The following AGPAT3 variants were observed in gnomAD, a reference collection of about 807,000 sequenced individuals.
The protein encoded by AGPAT3 is 1-acylglycerol-3-phosphate O-acyltransferase 3.
AGPAT3 carries 5 observed loss-of-function variants against 47.3 expected under a neutral mutation model. The observed-to-expected ratio is 0.11, with a 90% confidence interval of 0.06 to 0.22. The LOEUF (loss-of-function observed/expected upper bound fraction) is 0.22, where lower values mean the gene tolerates loss of function less well. AGPAT3 is among the 10% of genes least tolerant of loss of function. The pLI is 1.00. For missense variants in AGPAT3, 315 were observed against 493.0 expected (o/e 0.64, Z 3.42); for synonymous variants, 212 against 208.3 (o/e 1.02, Z -0.15).
At chr21:43,884,191 A>G (rs2096855) in intron 1 of AGPAT3, among the ~76,000 whole-genome samples, 152,045 of 152,046 alleles carry the variant, frequency 1, 76,022 homozygotes, top group Middle Eastern at 1. Flanking sequence ...GCCTGTCGAA[A>G]GTGTAGCTCC....
At chr21:43,876,380 T>G (rs2085733610) in intron 1 of AGPAT3, among the ~76,000 whole-genome samples, 1 of 152,264 alleles carries the variant, frequency 6.6e-6, no homozygotes, top group Non-Finnish European at 1.5e-5. Context: ...TTTGTGATTT[T>G]GGATTGTGGG....
At chr21:43,889,504 A>T (rs1237426338) in intron 1 of AGPAT3, among the ~76,000 whole-genome samples, 2 of 152,198 alleles carry the variant, frequency 1.3e-5, no homozygotes, top group Non-Finnish European at 2.9e-5. Context: ...TTTTTCATAA[A>T]TTACTGGATT....
chr21:43,876,145 GT>G (rs2085728459), intron 1 of AGPAT3, among the ~76,000 whole-genome samples: 1 of 151,620 alleles, frequency 6.6e-6, no homozygotes. Context: ...AGTTCTCTTT[GT>G]TTTTTTCCAA....
chr21:43,909,071 AT>A (rs1435962713), intron 2 of AGPAT3, among the ~76,000 whole-genome samples: 3 of 151,718 alleles, frequency 2.0e-5, no homozygotes, highest in East Asian at 1.9e-4. Flanking sequence ...TTTACTTACT[AT>A]TTTTTTTCTT....
chr21:43,905,479 C>T (rs965263781), intron 2 of AGPAT3, among the ~76,000 whole-genome samples: 5 of 152,216 alleles, frequency 3.3e-5, no homozygotes, highest in East Asian at 3.9e-4. Flanking sequence ...TGAGCCACTG[C>T]GCCCGGCCTA....
chr21:43,957,605 G>T (rs1027184591), intron 2 of AGPAT3, among the ~76,000 whole-genome samples: 3 of 117,910 alleles, frequency 2.5e-5, no homozygotes, highest in Non-Finnish European at 5.1e-5. Flanking sequence ...CCCCCTCCAC[G>T]CGGGGGTCTC....
In AGPAT3 at chr21:43,959,258, GTGTGTGTGGCA is replaced by G. The variant is rs1056877208; in HGVS notation, c.-48-358_-48-348del. 5.9e-5 allele frequency among the ~76,000 whole-genome samples: 8 copies of G among 134,986 alleles called. No individual in the cohort carries two copies. In the South Asian group the frequency reaches 9.8e-4, roughly 16 times the overall value. 88.6% of individuals were successfully genotyped at this position (134,986 alleles called of 152,430 possible). On this transcript the variant is annotated intron_variant, in intron 2 of 9. Coordinates refer to ENST00000291572, the MANE Select transcript of AGPAT3 (RefSeq NM_020132.5). ...GTGTGTGTGTGGTGTGTGGTTTGCG[GTGTGTGTGGCA>G]TGTGTGTGGCATGTGTGGGGTTTGT... is the stretch of plus-strand genomic sequence containing the variant.
intron 2 of AGPAT3, among the ~76,000 whole-genome samples, chr21:43,948,832 G>T (rs182911796): frequency 1.3e-5 from 2 of 152,188 alleles, no homozygotes; most frequent in African/African-American, 4.8e-5. Context: ...GTTGACGAAC[G>T]TGTAGTCAGT....
chr21:43,909,531 C>T (rs1044726231), intron 2 of AGPAT3, among the ~76,000 whole-genome samples: 3 of 152,186 alleles, frequency 2.0e-5, no homozygotes, highest in Non-Finnish European at 4.4e-5. Context: ...CTCCTGACCT[C>T]GTGATCCACC....
intron 7 of AGPAT3, 141 bp downstream of exon 7, chr21:43,971,631 C>A: frequency 5.4e-6 from 4 of 734,376 alleles, no homozygotes; most frequent in African/African-American, 1.8e-5. Context: ...GGCCTGTCTG[C>A]AGCCCTGCCC....
chr21:43,874,147 A>C (rs925826497), intron 1 of AGPAT3, among the ~76,000 whole-genome samples: 3 of 152,056 alleles, frequency 2.0e-5, no homozygotes, highest in African/African-American at 7.2e-5. Flanking sequence ...TGCCTCAGCC[A>C]CCTGAGTAGC....
intron 1 of AGPAT3, among the ~76,000 whole-genome samples, chr21:43,888,615 A>G (rs2145912443): frequency 6.6e-6 from 1 of 152,384 alleles, no homozygotes; most frequent in South Asian, 2.1e-4. Context: ...ATTCTTATAT[A>G]TCAGCAACAA....
rs1225448588 is a variant in AGPAT3, at chr21:43,985,658, T to C, written c.*3266T>C. The C allele has an allele frequency of 2.4e-5, 5 of 206,368 alleles. No individual in the cohort carries two copies. The highest frequency in any genetic ancestry group is 1.2e-4 in the African/African-American group (5 of 42,556). The allele number at this position is 206,368 out of a possible 1,614,324, so 12.8% of individuals were successfully genotyped here. A position where few individuals can be genotyped will look rare whatever the true frequency, so the allele number is the denominator to read the frequency against. On this transcript the variant is annotated 3_prime_UTR_variant, in exon 10 of 10. Transcript: ENST00000291572. ...TTGGGGTCAGATTTGGGGTGAAGAA[T>C]GAGTAAGTTTCTGCATGCTTTGTCT...
intron 1 of AGPAT3, among the ~76,000 whole-genome samples, chr21:43,873,246 G>A (rs141163273): frequency 8.5e-5 from 13 of 152,230 alleles, no homozygotes; most frequent in East Asian, 1.9e-4. Flanking sequence ...AAATAACCTC[G>A]TGCTACATTC....
intron 1 of AGPAT3, among the ~76,000 whole-genome samples, chr21:43,898,095 C>A (rs879907947): frequency 1.3e-5 from 2 of 152,016 alleles, no homozygotes; most frequent in South Asian, 4.2e-4. Flanking sequence ...AGTCCAGCCT[C>A]GGTAACAGAG....
At chr21:43,936,523 C>T (rs952873116) in intron 2 of AGPAT3, among the ~76,000 whole-genome samples, 1 of 152,250 alleles carries the variant, frequency 6.6e-6, no homozygotes, top group African/African-American at 2.4e-5. Flanking sequence ...AAGGATTTCT[C>T]CGGCAGAGGA....
At chr21:43,889,229 G>T (rs942061508) in intron 1 of AGPAT3, among the ~76,000 whole-genome samples, 2 of 151,492 alleles carry the variant, frequency 1.3e-5, no homozygotes, top group African/African-American at 4.9e-5. Context: ...GCGACAGAGG[G>T]TCCTCACCAA....
chr21:43,907,016 G>A (rs915013370), intron 2 of AGPAT3, among the ~76,000 whole-genome samples: 1 of 149,354 alleles, frequency 6.7e-6, no homozygotes, highest in Non-Finnish European at 1.5e-5. Context: ...GCGAGGGTCT[G>A]TTTCTTTTCT....
intron 1 of AGPAT3, among the ~76,000 whole-genome samples, chr21:43,888,553 A>G (rs1457760417): frequency 6.6e-6 from 1 of 152,228 alleles, no homozygotes; most frequent in Non-Finnish European, 1.5e-5. Flanking sequence ...GTTGAAGAAA[A>G]AAAGAAAGAA....
Sources: gnomAD v4.1 joint callset for allele counts (sites outside exome capture counted in the v4.1 genomes callset) on GRCh38, gnomAD v4.1.1 for gene constraint, MANE v1.5 for transcripts, NCBI Gene and HGNC (gene_info 2026-07-23, HGNC 2026-07-21) for gene names.